Variants in SLC28A2 observed in about 807,000 individuals in gnomAD.
SLC28A2 encodes solute carrier family 28 member 2.
In SLC28A2, 69 loss-of-function variants were observed where a neutral mutation model predicts 72.9. That is an observed-to-expected ratio of 0.95 (90% CI 0.78 to 1.16). The LOEUF (loss-of-function observed/expected upper bound fraction) is 1.16, where lower values mean the gene tolerates loss of function less well. Among genes scored for constraint, SLC28A2 ranks in the 50% most tolerant of loss-of-function variants. The pLI is 0.00. For synonymous variants in SLC28A2, 296 were observed against 294.1 expected, an observed-to-expected ratio of 1.01 and a Z score of -0.07; for missense variants, 745 against 791.1, an observed-to-expected ratio of 0.94 and a Z score of 0.70.
intron 3 of SLC28A2, chr15:45,253,831 G>C (rs1899888268): frequency 5.4e-6 from 1 of 183,878 alleles, no homozygotes; most frequent in South Asian, 1.6e-4. Context: ...ACAACAGGTA[G>C]GTATTCATTT....
intron 10 of SLC28A2, 79 bp from the exon 11 acceptor site, chr15:45,267,376 G>A: frequency 6.5e-7 from 1 of 1,528,744 alleles, no homozygotes; most frequent in Non-Finnish European, 9.0e-7. Flanking sequence ...AGTGGGTCCA[G>A]CCCCTGGGGC....
intron 3 of SLC28A2, among the ~76,000 whole-genome samples, chr15:45,258,329 T>C (rs567256608): frequency 2.0e-5 from 3 of 152,240 alleles, no homozygotes; most frequent in Admixed American, 6.5e-5. Flanking sequence ...ACAGTTTTTT[T>C]TGCCTTTTTA....
chr15:45,257,902 T>G (rs1595671823), intron 3 of SLC28A2, among the ~76,000 whole-genome samples: 1 of 152,244 alleles, frequency 6.6e-6, no homozygotes, highest in South Asian at 2.1e-4. Flanking sequence ...TGATGGCTCA[T>G]GTATTTGCAT....
At chr15:45,256,881 A>C (rs1393568033) in intron 3 of SLC28A2, among the ~76,000 whole-genome samples, 1 of 152,046 alleles carries the variant, frequency 6.6e-6, no homozygotes, top group Admixed American at 6.6e-5. Flanking sequence ...GAACTCCCTT[A>C]TATCACAAAC....
At chr15:45,272,536 T>C (rs1900607602) in intron 16 of SLC28A2, 137 bp from the exon 17 acceptor site, 1 of 822,270 alleles carries the variant, frequency 1.2e-6, no homozygotes, top group African/African-American at 1.7e-5. Context: ...TTCAGAATAT[T>C]GATTTACCCA....
At chr15:45,265,359 T>C (rs1322825958) in intron 8 of SLC28A2, among the ~76,000 whole-genome samples, 193 bp downstream of exon 8, 1 of 152,120 alleles carries the variant, frequency 6.6e-6, no homozygotes, top group Non-Finnish European at 1.5e-5. Context: ...TAAAATTAGA[T>C]GAAATGAGAA....
At chr15:45,268,929 A>G (rs1219863059) in intron 13 of SLC28A2, among the ~76,000 whole-genome samples, 1 of 149,224 alleles carries the variant, frequency 6.7e-6, no homozygotes, top group Non-Finnish European at 1.5e-5. Flanking sequence ...AAAAAACCAA[A>G]CACCACATGT....
At chr15:45,261,780 A>T (rs1467296731) in intron 3 of SLC28A2, among the ~76,000 whole-genome samples, 1 of 152,206 alleles carries the variant, frequency 6.6e-6, no homozygotes. Context: ...GGAGACTACC[A>T]AGGATATTGC....
At chr15:45,271,723 C>A (rs887322674) in intron 15 of SLC28A2, 2 of 152,042 alleles carry the variant, frequency 1.3e-5, no homozygotes, top group Non-Finnish European at 2.9e-5. Context: ...ACTTGGTAGC[C>A]AATTTAATTG....
chr15:45,266,166 G>T lies in SLC28A2; in HGVS notation c.942+5G>T, dbSNP rs1195924362. The T allele has an allele frequency of 6.2e-7, 1 of 1,604,740 alleles. No homozygotes were observed. The highest frequency in any genetic ancestry group is 2.2e-5 in the East Asian group (1 of 44,846). On this transcript the variant is annotated splice_donor_5th_base_variant and intron_variant, in intron 10 of 17. Transcript: ENST00000347644. ...GGAAACATCTTTGTGGGTATGGTAA[G>T]CACCTTGAGGACTTTTGGTCTTCTT...
At chr15:45,252,459 A>C (rs1420295423) in intron 1 of SLC28A2, among the ~76,000 whole-genome samples, 181 bp downstream of exon 1, 2 of 152,382 alleles carry the variant, frequency 1.3e-5, no homozygotes, top group South Asian at 2.1e-4. Context: ...TCACATTTTC[A>C]AAAGCAATTC....
intron 17 of SLC28A2, among the ~76,000 whole-genome samples, chr15:45,274,279 A>G (rs12910143): frequency 0.57 from 85,739 of 151,468 alleles, 28,734 homozygotes; most frequent in Non-Finnish European, 0.77. Flanking sequence ...CAGGAGGATC[A>G]CTTAAGCTCA....
intron 4 of SLC28A2, among the ~76,000 whole-genome samples, 192 bp downstream of exon 4, chr15:45,262,298 G>C (rs1339086364): frequency 2.0e-5 from 3 of 152,162 alleles, no homozygotes; most frequent in African/African-American, 7.2e-5. Flanking sequence ...AGTGAAATCT[G>C]AGAATAAACT....
intron 3 of SLC28A2, 55 bp downstream of exon 3, chr15:45,253,575 C>A: frequency 1.7e-6 from 2 of 1,147,266 alleles, no homozygotes; most frequent in Admixed American, 1.9e-5. Context: ...GTGGGCTGCC[C>A]CTTCAGGCAG....
In SLC28A2 at chr15:45,252,259, A is replaced by C. The variant is rs1899813290; in HGVS notation, c.-36A>C. 4.4e-6 allele frequency: 2 copies of C among 455,730 alleles called. No individual in the cohort carries two copies. The highest frequency in any genetic ancestry group is 8.8e-6 in the Non-Finnish European group (2 of 226,798). The allele number at this position is 455,730 out of a possible 1,614,324, so 28.2% of individuals were successfully genotyped here. On this transcript the variant is annotated 5_prime_UTR_variant, in exon 1 of 18. Transcript: ENST00000347644. ...AGTCCTTCACTGAGGAGCCAGAGGG[A>C]ATCAATTCCACAAGCTGGGGTAAGT...
At chr15:45,259,863 C>A (rs1326328346) in intron 3 of SLC28A2, among the ~76,000 whole-genome samples, 1 of 152,158 alleles carries the variant, frequency 6.6e-6, no homozygotes, top group Non-Finnish European at 1.5e-5. Context: ...TGGAAGAAAT[C>A]TTTTCTAGGC....
intron 12 of SLC28A2, among the ~76,000 whole-genome samples, 155 bp from the exon 13 acceptor site, chr15:45,268,055 A>T (rs1900402044): frequency 1.3e-5 from 2 of 152,154 alleles, no homozygotes; most frequent in Non-Finnish European, 2.9e-5. Flanking sequence ...GCTTCAGAGT[A>T]ATTTCCACTA....
chr15:45,261,239 G>A (rs1019673829), intron 3 of SLC28A2, among the ~76,000 whole-genome samples: 25 of 152,342 alleles, frequency 1.6e-4, no homozygotes, highest in African/African-American at 5.8e-4. Context: ...GGAATCTAGG[G>A]AAGATGTGGC....
intron 13 of SLC28A2, among the ~76,000 whole-genome samples, chr15:45,268,683 C>T (rs982392861): frequency 6.6e-6 from 1 of 152,024 alleles, no homozygotes; most frequent in Non-Finnish European, 1.5e-5. Context: ...ACCCAAAGGA[C>T]TATAAATCAT....
Sources: allele counts gnomAD v4.1 joint callset (sites outside exome capture counted in the v4.1 genomes callset), GRCh38; gene constraint gnomAD v4.1.1; transcripts MANE v1.5; gene names NCBI Gene and HGNC (gene_info 2026-07-23, HGNC 2026-07-21).